TFDP2: variants seen among roughly 807,000 people sequenced by gnomAD.
TFDP2 encodes transcription factor Dp-2, also known as transcription factor Dp-2 (E2F dimerization partner 2).
TFDP2 carries 17 observed loss-of-function variants against 59.3 expected under a neutral mutation model. The ratio of observed to expected loss-of-function variants is 0.29; its 90% CI spans 0.20 to 0.43. TFDP2 has a LOEUF of 0.43. Among genes scored for constraint, TFDP2 ranks in the 20% least tolerant of loss-of-function variants. The pLI is 1.00. For synonymous variants in TFDP2, 180 were observed against 194.7 expected (o/e 0.92, Z 0.63); for missense variants, 391 against 528.8 (o/e 0.74, Z 2.56).
intron 3 of TFDP2, among the ~76,000 whole-genome samples, chr3:142,050,962 A>G (rs1947596492): frequency 6.6e-6 from 1 of 152,208 alleles, no homozygotes; most frequent in Non-Finnish European, 1.5e-5. Context: ...TTTTTGTAGA[A>G]ATGTATAAGG....
chr3:141,955,509 G>C (rs1240710693), intron 11 of TFDP2, among the ~76,000 whole-genome samples: 1 of 152,086 alleles, frequency 6.6e-6, no homozygotes, highest in Non-Finnish European at 1.5e-5. Context: ...AGCTGGGTGG[G>C]GAGACGGAAC....
In TFDP2 at chr3:141,973,119, ATATAT is replaced by A. The variant is rs1193178248; in HGVS notation, c.663+924_663+928del. Among the ~76,000 whole-genome samples, 120 of 74,872 alleles carry A rather than the reference ATATAT, an allele frequency of 1.6e-3. 1 individual carries two copies. The highest frequency in any genetic ancestry group is 5.4e-3 in the African/African-American group (103 of 19,114). 49.1% of individuals were successfully genotyped at this position (74,872 alleles called of 152,430 possible). ...TATATATATATATATATATATATATATATATTTTTTTTTTTTAAAGATGGAGTCTT... is the reference window on the plus strand; with the variant it reads ...TATATATATATATATATATATATATATTTTTTTTTTTAAAGATGGAGTCTT... On this transcript the variant is annotated intron_variant, in intron 8 of 12. Coordinates refer to ENST00000489671, the MANE Select transcript of TFDP2 (RefSeq NM_001178139.2).
chr3:142,057,075 A>T (rs1022333589), intron 3 of TFDP2, among the ~76,000 whole-genome samples: 2 of 152,206 alleles, frequency 1.3e-5, no homozygotes, highest in Admixed American at 6.5e-5. Context: ...TCATTCATTC[A>T]CTGGCCATGT....
chr3:142,004,482 T>C (rs1186685637), intron 4 of TFDP2, among the ~76,000 whole-genome samples: 2 of 152,238 alleles, frequency 1.3e-5, no homozygotes, highest in African/African-American at 2.4e-5. Context: ...GTACTTTTAC[T>C]AATGGTGGGT....
At chr3:141,958,560 T>C (rs11569280) in intron 11 of TFDP2, among the ~76,000 whole-genome samples, 4,245 of 152,232 alleles carry the variant, frequency 0.028, 212 homozygotes, top group African/African-American at 0.096. Flanking sequence ...GCACAGAGCC[T>C]GGGGCAGGGG....
chr3:142,091,075 G>A (rs981492933), intron 3 of TFDP2, among the ~76,000 whole-genome samples: 4 of 152,108 alleles, frequency 2.6e-5, no homozygotes, highest in Non-Finnish European at 5.9e-5. Context: ...TAAGCTATGG[G>A]TATACAAAAG....
At chr3:142,032,102 T>C (rs371639477) in intron 3 of TFDP2, among the ~76,000 whole-genome samples, 86 of 130,078 alleles carry the variant, frequency 6.6e-4, no homozygotes, top group African/African-American at 2.1e-3. Context: ...CTCTCTCTCT[T>C]TTTTTTTTAA....
At chr3:142,084,962 C>T (rs1483921198) in intron 3 of TFDP2, among the ~76,000 whole-genome samples, 1 of 151,868 alleles carries the variant, frequency 6.6e-6, no homozygotes, top group African/African-American at 2.4e-5. Flanking sequence ...GCTCTGTCGC[C>T]CAGGCCGGAG....
At chr3:141,957,245 G>A (rs1396745055) in intron 11 of TFDP2, among the ~76,000 whole-genome samples, 1 of 152,166 alleles carries the variant, frequency 6.6e-6, no homozygotes, top group Non-Finnish European at 1.5e-5. Context: ...TTGAACCTGG[G>A]AGGTGGAGGT....
At chr3:141,965,593 G>GAAGGAAAGGAAAGGAAAGGAAAGGA (rs372030999) in intron 9 of TFDP2, among the ~76,000 whole-genome samples, 2 of 145,174 alleles carry the variant, frequency 1.4e-5, no homozygotes, top group African/African-American at 5.2e-5. Flanking sequence ...AAGGAAAGGG[G>GAAGGAAAGGAAAGGAAAGGAAAGGA]AAGGAAAGGA....
At chr3:142,144,265 T>C (rs2063075623) in intron 1 of TFDP2, among the ~76,000 whole-genome samples, 1 of 151,732 alleles carries the variant, frequency 6.6e-6, no homozygotes, top group Admixed American at 6.6e-5. Context: ...TCCCAGCTAC[T>C]TGGGAGGTTG....
chr3:142,104,012 T>A (rs1243439999), intron 1 of TFDP2, among the ~76,000 whole-genome samples: 1 of 152,182 alleles, frequency 6.6e-6, no homozygotes, highest in East Asian at 1.9e-4. Context: ...AAGCTCCACA[T>A]GCATTAGCTA....
Position 141,947,394 on chromosome 3 carries a change from A to G in TFDP2, c.*5119T>C, listed in dbSNP as rs569685614. 1 of 152,106 alleles carries G rather than the reference A, an allele frequency of 6.6e-6. No individual in the cohort carries two copies. The highest frequency in any genetic ancestry group is 2.4e-5 in the African/African-American group (1 of 41,508). The allele number at this position is 152,106 out of a possible 1,614,324, so 9.4% of individuals were successfully genotyped here. ...TTAGAAACACGTAAAATAGTTCTCA[A>G]TTTCTAATCATTTTTCTTTCTTTCT... On this transcript the variant is annotated 3_prime_UTR_variant, in exon 13 of 13. Transcript: ENST00000489671.
chr3:142,003,823 G>A (rs1377873036), intron 4 of TFDP2, among the ~76,000 whole-genome samples: 3 of 152,248 alleles, frequency 2.0e-5, no homozygotes, highest in South Asian at 2.1e-4. Context: ...GACTGTGTAA[G>A]GGCCAAAATG....
chr3:142,090,416 G>A (rs547139870), intron 3 of TFDP2, among the ~76,000 whole-genome samples: 1 of 152,262 alleles, frequency 6.6e-6, no homozygotes, highest in Non-Finnish European at 1.5e-5. Context: ...CTTTACTGGT[G>A]TTAACATCTG....
chr3:142,002,583 C>T (rs1207644138), intron 4 of TFDP2, among the ~76,000 whole-genome samples: 2 of 152,078 alleles, frequency 1.3e-5, no homozygotes, highest in Non-Finnish European at 2.9e-5. Context: ...CTGTTCATGA[C>T]CACGGAGGTA....
At position 142,106,949 on chromosome 3, in the gene TFDP2, T is replaced by C. The variant is rs145830696; in HGVS notation, c.-92-5108A>G. 3.3e-4 allele frequency among the ~76,000 whole-genome samples: 51 copies of C among 152,282 alleles called. No homozygotes were observed. In the East Asian group the frequency reaches 9.3e-3, roughly 28 times the overall value. ...GAATCAAGCAGTAACATAATTTGAA[T>C]CAGGATGTGTAGACTTTCTAACACT... is the stretch of plus-strand genomic sequence containing the variant. On this transcript the variant is annotated intron_variant, in intron 1 of 12. Transcript: ENST00000489671.
At chr3:142,133,645 T>TAAAAATACAAAAAATTA (rs2062599257) in intron 1 of TFDP2, among the ~76,000 whole-genome samples, 1 of 140,698 alleles carries the variant, frequency 7.1e-6, no homozygotes, top group African/African-American at 3.2e-5. Flanking sequence ...TACAGGCACG[T>TAAAAATACAAAAAATTA]GCCATCACAC....
At chr3:141,978,300 G>A (rs1009656600) in intron 7 of TFDP2, among the ~76,000 whole-genome samples, 7 of 151,516 alleles carry the variant, frequency 4.6e-5, no homozygotes, top group East Asian at 3.9e-4. Flanking sequence ...AGCCGAGATC[G>A]CGCCACTGAA....
Sources: allele counts gnomAD v4.1 joint callset (sites outside exome capture counted in the v4.1 genomes callset), GRCh38; gene constraint gnomAD v4.1.1; transcripts MANE v1.5; gene names NCBI Gene and HGNC (gene_info 2026-07-23, HGNC 2026-07-21).